Variants in UPP2 observed in about 807,000 individuals in gnomAD.
The protein encoded by UPP2 is UPase 2.
UPP2 carries 23 observed loss-of-function variants against 26.7 expected under a neutral mutation model. The ratio of observed to expected loss-of-function variants is 0.86; its 90% confidence interval spans 0.62 to 1.22. The LOEUF (loss-of-function observed/expected upper bound fraction) is 1.22, where lower values mean the gene tolerates loss of function less well. UPP2 is among the 50% of genes most tolerant of loss of function. The probability of loss-of-function intolerance (pLI) is 0.00; values close to 1 mark genes in which losing one functional copy is unlikely to be tolerated. For missense variants in UPP2, 387 were observed against 396.7 expected (o/e 0.98, Z 0.21); for synonymous variants, 127 against 141.3 (o/e 0.90, Z 0.72).
At chr2:158,058,322 AAAGAAG>A (rs1195275745) in intron 3 of UPP2, among the ~76,000 whole-genome samples, 10 of 14,462 alleles carry the variant, frequency 6.9e-4, no homozygotes, top group African/African-American at 5.8e-3. Flanking sequence ...AAAAAAAAAA[AAAGAAG>A]AAGAAGAAGA....
At chr2:158,024,646 C>T (rs571806417) in intron 3 of UPP2, among the ~76,000 whole-genome samples, 5 of 152,244 alleles carry the variant, frequency 3.3e-5, no homozygotes, top group Non-Finnish European at 7.4e-5. Context: ...AGCCTTCAAA[C>T]TCACATTTTA....
At chr2:158,048,577 C>T (rs1437805149) in intron 3 of UPP2, among the ~76,000 whole-genome samples, 1 of 152,226 alleles carries the variant, frequency 6.6e-6, no homozygotes, top group Non-Finnish European at 1.5e-5. Flanking sequence ...GCACTCCAGC[C>T]TGTATGACAG....
At chr2:158,048,777 C>A (rs529164705) in intron 3 of UPP2, among the ~76,000 whole-genome samples, 10 of 152,274 alleles carry the variant, frequency 6.6e-5, no homozygotes, top group African/African-American at 2.2e-4. Flanking sequence ...GTTTAACCAT[C>A]TTCTTGCTTC....
At chr2:158,112,654 T>C (rs1298435567) in intron 2 of UPP2, among the ~76,000 whole-genome samples, 4 of 152,190 alleles carry the variant, frequency 2.6e-5, no homozygotes, top group African/African-American at 9.7e-5. Context: ...TCTAAATATG[T>C]CTTTTATAAA....
At position 158,114,306 on chromosome 2, in the gene UPP2, A is replaced by T. The variant is rs143942004; in HGVS notation, c.181-795A>T. On this transcript the variant is annotated intron_variant, in intron 2 of 6. Transcript: ENST00000005756. ...GCTCACCCTCTTGTTGCTGACCCGT[A>T]GTGCTTCTCTGCTCCTCTCCCTGGC... Among the ~76,000 whole-genome samples the T allele has an allele frequency of 3.4e-3, 512 of 152,212 alleles. 2 individuals carry two copies. The highest frequency in any genetic ancestry group is 5.9e-3 in the Non-Finnish European group (403 of 68,016).
At chr2:158,052,472 T>C (rs911559207) in intron 3 of UPP2, among the ~76,000 whole-genome samples, 4 of 152,202 alleles carry the variant, frequency 2.6e-5, no homozygotes, top group Non-Finnish European at 5.9e-5. Flanking sequence ...TTATTATTCC[T>C]TGGAGTAAGG....
chr2:158,018,513 G>T (rs1335626824), intron 3 of UPP2, among the ~76,000 whole-genome samples: 3 of 152,162 alleles, frequency 2.0e-5, no homozygotes, highest in Non-Finnish European at 4.4e-5. Context: ...GGGCCCAAGG[G>T]CAGGGTCGAC....
At chr2:158,073,634 G>A (rs889368738) in intron 3 of UPP2, among the ~76,000 whole-genome samples, 7 of 152,124 alleles carry the variant, frequency 4.6e-5, no homozygotes, top group African/African-American at 1.7e-4. Flanking sequence ...AATACATCTG[G>A]CAGCAGACTT....
intron 3 of UPP2, among the ~76,000 whole-genome samples, chr2:158,036,011 C>A (rs1316404015): frequency 1.3e-5 from 2 of 152,178 alleles, no homozygotes; most frequent in Admixed American, 6.5e-5. Flanking sequence ...GTTGTCACTC[C>A]TCTGACATGT....
chr2:158,028,000 G>A (rs1011910846), intron 3 of UPP2, among the ~76,000 whole-genome samples: 3 of 152,176 alleles, frequency 2.0e-5, no homozygotes, highest in Non-Finnish European at 2.9e-5. Context: ...CCAGGCCCAC[G>A]AAACCATTTT....
intron 3 of UPP2, among the ~76,000 whole-genome samples, chr2:158,095,742 G>A (rs982324876): frequency 3.9e-5 from 6 of 152,048 alleles, no homozygotes; most frequent in African/African-American, 1.4e-4. Context: ...AGCCTGGCCT[G>A]GAGTAATGCT....
At chr2:158,077,135 C>G (rs578145008) in intron 3 of UPP2, among the ~76,000 whole-genome samples, 1 of 152,082 alleles carries the variant, frequency 6.6e-6, no homozygotes, top group Non-Finnish European at 1.5e-5. Flanking sequence ...ATAATGAAAA[C>G]TAAACATTGA....
chr2:158,040,771 T>A (rs1235847722), intron 3 of UPP2, among the ~76,000 whole-genome samples: 1 of 152,242 alleles, frequency 6.6e-6, no homozygotes, highest in Non-Finnish European at 1.5e-5. Context: ...GGTTACATCA[T>A]GCTTGGCTAT....
upstream of UPP2, among the ~76,000 whole-genome samples, chr2:158,098,404 C>A (rs75773693): frequency 0.024 from 3,650 of 152,168 alleles, 151 homozygotes; most frequent in African/African-American, 0.08. Context: ...TCAGCTTAGG[C>A]CTGCATCCAA....
At chr2:158,071,908 G>C (rs13384407) in intron 3 of UPP2, among the ~76,000 whole-genome samples, 9,608 of 152,124 alleles carry the variant, frequency 0.063, 546 homozygotes, top group East Asian at 0.15. Context: ...CAGCTGCAGC[G>C]ACTACTATGA....
intron 2 of UPP2, among the ~76,000 whole-genome samples, chr2:158,003,719 A>G (rs2105135238): frequency 6.6e-6 from 1 of 151,554 alleles, no homozygotes; most frequent in African/African-American, 2.4e-5. Flanking sequence ...AAAAATAAAA[A>G]AAAAAAAAAA....
chr2:158,087,079 G>A (rs1682829383), intron 3 of UPP2, among the ~76,000 whole-genome samples: 2 of 152,092 alleles, frequency 1.3e-5, no homozygotes, highest in African/African-American at 4.8e-5. Flanking sequence ...ATTGCTGTTA[G>A]TGGAGTATTA....
exon 2 of UPP2, chr2:157,995,247 A>G: frequency 6.2e-7 from 1 of 1,613,694 alleles, no homozygotes. Context: ...AGTGGTGAGG[A>G]CAAGGCCTGA....
rs567349719 is a variant in UPP2, at chr2:158,106,321, A to G, written c.180+105A>G. The G allele has an allele frequency of 4.2e-5, 37 of 888,394 alleles. No homozygotes were observed. In the South Asian group the frequency reaches 5.4e-4, roughly 13 times the overall value. 55.0% of individuals were successfully genotyped at this position (888,394 alleles called of 1,614,324 possible). On this transcript the variant is annotated intron_variant, in intron 2 of 6. Coordinates refer to ENST00000005756, the MANE Select transcript of UPP2 (RefSeq NM_173355.4). ...TACACCTTTGGCTAGCACAGTCCCA[A>G]TAGGAACTGAAGTCACACTCATTCT...
Sources: gnomAD v4.1 joint callset for allele counts (sites outside exome capture counted in the v4.1 genomes callset) on GRCh38, gnomAD v4.1.1 for gene constraint, MANE v1.5 for transcripts, NCBI Gene and HGNC (gene_info 2026-07-23, HGNC 2026-07-21) for gene names.